Variants in ANKIB1 observed in about 807,000 individuals in gnomAD.
ANKIB1 encodes the protein ankyrin repeat and IBR domain-containing protein 1.
In ANKIB1, 43 loss-of-function variants were observed where a neutral mutation model predicts 122.1. The ratio of observed to expected loss-of-function variants is 0.35; its 90% CI spans 0.28 to 0.45. ANKIB1 has a LOEUF of 0.45. Ranked by LOEUF, ANKIB1 falls within the 20% of genes least tolerant of loss-of-function variation. The pLI, the probability that ANKIB1 is intolerant of heterozygous loss-of-function variation, is 1.00. For synonymous variants in ANKIB1, 390 were observed against 442.0 expected, an observed-to-expected ratio of 0.88 and a Z score of 1.48; for missense variants, 992 against 1,329.5, an observed-to-expected ratio of 0.75 and a Z score of 3.95.
rs1800973746 is a variant in ANKIB1 at position 92,246,199 on chromosome 7, C to T, written c.-411C>T. The stretch of plus-strand genomic sequence containing the variant: ...TTGACCGCGAGGCGGAGGCAAGAGC[C>T]ACCGCCCCCTCTTCCCCTCCCCCGA... On this transcript the variant is annotated 5_prime_UTR_variant, in exon 1 of 20. Transcript: ENST00000265742. 2.7e-6 allele frequency: 1 copy of T among 365,406 alleles called. No homozygotes were observed. The highest frequency in any genetic ancestry group is 5.2e-6 in the Non-Finnish European group (1 of 193,428). The allele number at this position is 365,406 out of a possible 1,614,324, so 22.6% of individuals were successfully genotyped here.
At chr7:92,382,424 A>T (rs537723034) in intron 11 of ANKIB1, among the ~76,000 whole-genome samples, 32 of 152,318 alleles carry the variant, frequency 2.1e-4, no homozygotes, top group Non-Finnish European at 3.5e-4. Flanking sequence ...ACCCCAAATC[A>T]ACAGAATATA....
intron 7 of ANKIB1, chr7:92,347,984 T>C (rs1803576556): frequency 2.2e-6 from 1 of 448,874 alleles, no homozygotes; most frequent in Admixed American, 2.4e-5. Flanking sequence ...TATGATATCA[T>C]CTGTGAATTT....
intron 3 of ANKIB1, among the ~76,000 whole-genome samples, chr7:92,313,489 A>T (rs765341800): frequency 7.2e-5 from 11 of 152,180 alleles, no homozygotes; most frequent in Admixed American, 6.5e-4. Flanking sequence ...TCTAATTTTT[A>T]ATCAAGATAC....
chr7:92,393,215 T>A (rs1472481501), intron 17 of ANKIB1, among the ~76,000 whole-genome samples: 1 of 152,084 alleles, frequency 6.6e-6, no homozygotes, highest in Non-Finnish European at 1.5e-5. Context: ...TCTTTTCAGC[T>A]GCTGAAGATA....
Position 92,366,691 on chromosome 7 carries a change from CT to C in ANKIB1, c.1486+4419del, listed in dbSNP as rs759996813. On this transcript the variant is annotated intron_variant, in intron 10 of 19. Transcript: ENST00000265742. ...AATTCTTCAAGTTCATTATAATCTT[CT>C]GTTTTGCCTGTGGTCTAATTAGAGT... is the stretch of plus-strand genomic sequence containing the variant. Among the ~76,000 whole-genome samples the C allele has an allele frequency of 3.2e-4, 48 of 152,288 alleles. 1 individual carries two copies. The highest frequency in any genetic ancestry group is 9.9e-4 in the African/African-American group (41 of 41,554).
intron 1 of ANKIB1, among the ~76,000 whole-genome samples, chr7:92,256,646 A>G (rs951452417): frequency 1.3e-5 from 2 of 152,210 alleles, no homozygotes; most frequent in Admixed American, 6.5e-5. Context: ...CTTGAAGCCA[A>G]AAGATCTTCA....
At chr7:92,375,834 A>G (rs985220531) in intron 11 of ANKIB1, among the ~76,000 whole-genome samples, 3 of 152,230 alleles carry the variant, frequency 2.0e-5, no homozygotes, top group Admixed American at 6.5e-5. Context: ...TTAGCCTTAC[A>G]AAATACATTT....
intron 18 of ANKIB1, among the ~76,000 whole-genome samples, chr7:92,396,775 T>A (rs1316776212): frequency 1.3e-5 from 2 of 152,172 alleles, no homozygotes; most frequent in East Asian, 1.9e-4. Context: ...AGTGCCACCT[T>A]ATAGGCTCAT....
At position 92,295,081 on chromosome 7, in the gene ANKIB1, G is replaced by C; in HGVS notation, c.103G>C (p.Asp35His). 1 of 1,591,926 alleles carries C rather than the reference G, an allele frequency of 6.3e-7. No individual in the cohort carries two copies. The highest frequency in any genetic ancestry group is 8.6e-7 in the Non-Finnish European group (1 of 1,168,620). ...ENNPQLKESL[D>H]PNTSYGEPYQ... ...CAATCCTCAGCTAAAAGAATCTCTTGATCCAAATACATCTTATGGGGAGCC... is the reference window on the plus strand; with the variant it reads ...CAATCCTCAGCTAAAAGAATCTCTTCATCCAAATACATCTTATGGGGAGCC... Residue 35 changes from aspartate (D) to histidine (H), a missense_variant, in exon 2 of 20, where the codon GAT becomes CAT. By Grantham distance (81) the Asp-to-His change is moderately conservative. Around this residue, in one of 4 missense-constraint regions of ANKIB1, gnomAD observed 54 missense variants for 112.3 expected, o/e 0.48. Transcript: ENST00000265742.
chr7:92,350,864 A>C, intron 7 of ANKIB1, 86 bp from the exon 8 acceptor site: 1 of 1,360,338 alleles, frequency 7.4e-7, no homozygotes, highest in Non-Finnish European at 9.8e-7. Flanking sequence ...CTCTAAAAAA[A>C]AAAGGAAAGA....
chr7:92,300,468 A>G (rs1330141865), intron 2 of ANKIB1, among the ~76,000 whole-genome samples: 2 of 152,200 alleles, frequency 1.3e-5, no homozygotes, highest in Non-Finnish European at 2.9e-5. Flanking sequence ...TCCTGAGAAT[A>G]AACAACCCTA....
At chr7:92,293,828 G>A (rs2131918347) in intron 1 of ANKIB1, among the ~76,000 whole-genome samples, 1 of 151,944 alleles carries the variant, frequency 6.6e-6, no homozygotes, top group Non-Finnish European at 1.5e-5. Flanking sequence ...TGCATATGCT[G>A]TTTTCTTTGT....
At chr7:92,362,392 C>T (rs546759109) in intron 10 of ANKIB1, 119 bp downstream of exon 10, 4 of 873,094 alleles carry the variant, frequency 4.6e-6, no homozygotes, top group Non-Finnish European at 7.2e-6. Flanking sequence ...TGCAAGTGCT[C>T]TCCTGTTTAA....
intron 15 of ANKIB1, 110 bp from the exon 16 acceptor site, chr7:92,391,056 T>C: frequency 1.2e-6 from 1 of 859,654 alleles, no homozygotes. Flanking sequence ...TTTTAACTAG[T>C]TTCTTACTTC....
intron 11 of ANKIB1, among the ~76,000 whole-genome samples, chr7:92,377,493 T>A (rs1423643710): frequency 6.6e-6 from 1 of 152,162 alleles, no homozygotes; most frequent in Non-Finnish European, 1.5e-5. Context: ...AGACGAGCAG[T>A]GAGCACATGC....
At chr7:92,276,074 CTG>C in intron 1 of ANKIB1, among the ~76,000 whole-genome samples, 1 of 152,282 alleles carries the variant, frequency 6.6e-6, no homozygotes, top group Middle Eastern at 3.4e-3. Context: ...TAGATGCACA[CTG>C]ATCTTTTTAG....
chr7:92,326,054 T>A (rs1430883846), intron 4 of ANKIB1: 1 of 373,880 alleles, frequency 2.7e-6, no homozygotes, highest in South Asian at 2.1e-5. Context: ...TAGTGCCCAC[T>A]TGGGACTGAG....
At chr7:92,346,475 A>G (rs947315487) in intron 7 of ANKIB1, among the ~76,000 whole-genome samples, 1 of 152,140 alleles carries the variant, frequency 6.6e-6, no homozygotes, top group Non-Finnish European at 1.5e-5. Context: ...GGAGGGGGAA[A>G]AAAATACTGC....
chr7:92,340,843 G>A (rs888476427), intron 5 of ANKIB1, among the ~76,000 whole-genome samples: 1 of 152,182 alleles, frequency 6.6e-6, no homozygotes, highest in Non-Finnish European at 1.5e-5. Flanking sequence ...AGAAGAGCAC[G>A]TCCAAATGGC....
Sources: gnomAD v4.1 joint callset for allele counts (sites outside exome capture counted in the v4.1 genomes callset) on GRCh38, gnomAD v4.1.1 for gene constraint, gnomAD v4.1.1 regional missense constraint, MANE v1.5 for transcripts, NCBI Gene and HGNC (gene_info 2026-07-23, HGNC 2026-07-21) for gene names.